The following AMPH variants were observed in gnomAD, a reference collection of about 807,000 sequenced individuals.
AMPH encodes amphiphysin (Stiff-Mann syndrome with breast cancer 128kD autoantigen).
Under a neutral mutation model 99.1 loss-of-function variants are expected in AMPH, and 49 were observed. The observed-to-expected ratio is 0.49, with a 90% CI of 0.39 to 0.63. The LOEUF is 0.63. Ranked by LOEUF, AMPH falls within the 20% of genes least tolerant of loss-of-function variation. The pLI is 0.00. For synonymous variants in AMPH, 314 were observed against 317.3 expected (o/e 0.99, Z 0.11); for missense variants, 759 against 863.4 (o/e 0.88, Z 1.52).
intron 11 of AMPH, among the ~76,000 whole-genome samples, chr7:38,452,916 G>A (rs1351720109): frequency 1.3e-5 from 2 of 152,228 alleles, no homozygotes; most frequent in Admixed American, 1.3e-4. Context: ...AAACTGCCAA[G>A]ATGCTTCAGG....
chr7:38,497,786 G>A (rs1333249748), intron 3 of AMPH, among the ~76,000 whole-genome samples: 1 of 152,174 alleles, frequency 6.6e-6, no homozygotes, highest in African/African-American at 2.4e-5. Context: ...GATTCTTAAG[G>A]AGAGCAAGGA....
chr7:38,495,141 T>G, intron 3 of AMPH, among the ~76,000 whole-genome samples: 1 of 152,202 alleles, frequency 6.6e-6, no homozygotes, highest in Non-Finnish European at 1.5e-5. Context: ...TATAGGTTCT[T>G]GCAAAGTGTG....
intron 1 of AMPH, among the ~76,000 whole-genome samples, chr7:38,599,593 C>T (rs971070405): frequency 2.6e-5 from 4 of 152,102 alleles, no homozygotes; most frequent in African/African-American, 9.7e-5. Flanking sequence ...TCAAAAATTA[C>T]ACGTAGATTT....
chr7:38,543,849 A>G (rs1285277141), intron 1 of AMPH, among the ~76,000 whole-genome samples: 2 of 152,342 alleles, frequency 1.3e-5, no homozygotes, highest in East Asian at 3.9e-4. Flanking sequence ...GAAAAATACC[A>G]AAGACTATAT....
At chr7:38,568,830 T>A (rs1791839451) in intron 1 of AMPH, among the ~76,000 whole-genome samples, 1 of 152,134 alleles carries the variant, frequency 6.6e-6, no homozygotes, top group Admixed American at 6.6e-5. Context: ...TGGAAGGGAA[T>A]GGAATTAATG....
At chr7:38,434,939 T>C (rs1786202199) in intron 12 of AMPH, among the ~76,000 whole-genome samples, 1 of 152,234 alleles carries the variant, frequency 6.6e-6, no homozygotes, top group Non-Finnish European at 1.5e-5. Context: ...AATATTGTTT[T>C]AGAGAACATT....
intron 1 of AMPH, among the ~76,000 whole-genome samples, chr7:38,605,727 C>A (rs564213064): frequency 6.6e-6 from 1 of 152,082 alleles, no homozygotes; most frequent in Admixed American, 6.6e-5. Context: ...AGGTGCCCAC[C>A]ACCATGCCCA....
At chr7:38,623,063 T>C (rs1794126541) in intron 1 of AMPH, among the ~76,000 whole-genome samples, 1 of 152,282 alleles carries the variant, frequency 6.6e-6, no homozygotes, top group Admixed American at 6.5e-5. Flanking sequence ...GAAGGGAAAC[T>C]CACCATGGGT....
intron 19 of AMPH, among the ~76,000 whole-genome samples, chr7:38,390,985 GAGAGAGAGAGAGAGAGAGAGAGAGAGAGA>G: frequency 1.7e-5 from 1 of 58,568 alleles, no homozygotes; most frequent in South Asian, 4.3e-4. Context: ...GAGAGAGAGA[GAGAGAGAGAGAGAGAGAGAGAGAGAGAGA>G]GAATGATACA....
At chr7:38,582,611 T>A (rs543225417) in intron 1 of AMPH, among the ~76,000 whole-genome samples, 1 of 152,220 alleles carries the variant, frequency 6.6e-6, no homozygotes, top group Non-Finnish European at 1.5e-5. Flanking sequence ...ATTTCTAATA[T>A]GGGAAATACT....
At chr7:38,445,000 TATATATATATAC>T (rs1041087439) in intron 11 of AMPH, among the ~76,000 whole-genome samples, 2 of 84,168 alleles carry the variant, frequency 2.4e-5, no homozygotes, top group African/African-American at 5.2e-5. Context: ...CATATATATA[TATATATATATAC>T]ACACACACAC....
chr7:38,537,853 CA>C (rs1790671816), intron 1 of AMPH, among the ~76,000 whole-genome samples: 1 of 152,028 alleles, frequency 6.6e-6, no homozygotes, highest in South Asian at 2.1e-4. Flanking sequence ...AAGGAGCTCT[CA>C]AAAAGGCAAA....
intron 12 of AMPH, among the ~76,000 whole-genome samples, chr7:38,435,812 C>T (rs572293076): frequency 1.3e-5 from 2 of 152,058 alleles, no homozygotes; most frequent in Admixed American, 6.6e-5. Context: ...AAGTTCAGAA[C>T]GATCAACACT....
rs757057276 is a variant in AMPH, at chr7:38,391,655, AAAAAGT to A, written c.1878+87_1878+92del. 26 of 1,373,290 alleles carry A rather than the reference AAAAAGT, an allele frequency of 1.9e-5. No individual in the cohort carries two copies. The South Asian group carries it at 2.8e-4, about 15-fold the overall frequency. 85.1% of individuals were successfully genotyped at this position (1,373,290 alleles called of 1,614,324 possible). A position where few individuals can be genotyped will look rare whatever the true frequency, so the allele number is the denominator to read the frequency against. On this transcript the variant is annotated intron_variant, in intron 19 of 20. Transcript: ENST00000356264. ...AGCAGTTCACAGAAATAATAATTGC[AAAAAGT>A]AAAAGTAAAAACTGGAAAACCAAAG... is the stretch of plus-strand genomic sequence containing the variant.
chr7:38,458,068 C>A (rs1238334027), intron 11 of AMPH, among the ~76,000 whole-genome samples: 1 of 151,910 alleles, frequency 6.6e-6, no homozygotes. Context: ...AAAAAGATTG[C>A]GGAGGGATGG....
At chr7:38,608,250 G>A (rs373461960) in intron 1 of AMPH, among the ~76,000 whole-genome samples, 1 of 152,142 alleles carries the variant, frequency 6.6e-6, no homozygotes, top group Non-Finnish European at 1.5e-5. Context: ...TCTGAGCACG[G>A]CTCCCGGTCA....
intron 1 of AMPH, among the ~76,000 whole-genome samples, chr7:38,620,548 T>TACACAC (rs201765719): frequency 0.026 from 3,442 of 133,092 alleles, 57 homozygotes; most frequent in Non-Finnish European, 0.034. Context: ...TATACATACA[T>TACACAC]ACACACACAC....
intron 2 of AMPH, among the ~76,000 whole-genome samples, chr7:38,517,080 A>AT (rs1789775573): frequency 6.6e-6 from 1 of 152,232 alleles, no homozygotes; most frequent in Admixed American, 6.5e-5. Flanking sequence ...TTTGTCTCAG[A>AT]TAAGACTTTG....
intron 11 of AMPH, among the ~76,000 whole-genome samples, chr7:38,452,491 C>T (rs1787074829): frequency 6.6e-6 from 1 of 152,084 alleles, no homozygotes. Flanking sequence ...ACTTATAATA[C>T]GTAGCTCGAC....
Sources: gnomAD v4.1 joint callset for allele counts (sites outside exome capture counted in the v4.1 genomes callset) on GRCh38, gnomAD v4.1.1 for gene constraint, MANE v1.5 for transcripts, NCBI Gene and HGNC (gene_info 2026-07-23, HGNC 2026-07-21) for gene names.